ATAD2B: variants seen among roughly 807,000 people sequenced by gnomAD.
The protein encoded by ATAD2B is ATPase family AAA domain-containing protein 2B.
Under a neutral mutation model 167.6 loss-of-function variants are expected in ATAD2B, and 40 were observed. That is an observed-to-expected ratio of 0.24 (90% CI 0.19 to 0.31). The LOEUF (loss-of-function observed/expected upper bound fraction) is 0.31, where lower values mean the gene tolerates loss of function less well. ATAD2B is among the 10% of genes least tolerant of loss of function. The pLI, the probability that ATAD2B is intolerant of heterozygous loss-of-function variation, is 1.00. For missense variants in ATAD2B, 1,242 were observed against 1,757.2 expected (o/e 0.71, Z 5.24); for synonymous variants, 579 against 596.5 (o/e 0.97, Z 0.43).
At chr2:23,785,964 A>T in intron 21 of ATAD2B, 63 bp downstream of exon 21, 2 of 1,386,264 alleles carry the variant, frequency 1.4e-6, no homozygotes, top group Non-Finnish European at 1.9e-6. Context: ...CCAAAAAAAG[A>T]TGTCAATATT....
At chr2:23,696,876 C>T in the ATAD2B span, 1 of 194,330 alleles carries the variant, frequency 5.1e-6, no homozygotes, top group Non-Finnish European at 1.1e-5. This position sits in a 1 kb window ranked among gnomAD's most constrained non-coding sequence, Gnocchi z 5.5. Flanking sequence ...ACCATGAGCA[C>T]CAGCCCAGAG....
At chr2:23,803,937 A>C (rs1220649189) in intron 18 of ATAD2B, among the ~76,000 whole-genome samples, 1 of 152,250 alleles carries the variant, frequency 6.6e-6, no homozygotes, top group Non-Finnish European at 1.5e-5. Flanking sequence ...AAAACATGCA[A>C]GAATAACTTA....
At chr2:23,795,772 G>C (rs112675263) in intron 19 of ATAD2B, among the ~76,000 whole-genome samples, 36 of 151,918 alleles carry the variant, frequency 2.4e-4, no homozygotes, top group Non-Finnish European at 4.6e-4. Context: ...CCAGCTACTC[G>C]GGAGGCTGAG....
chr2:23,925,228 A>T (rs181982595), intron 1 of ATAD2B, among the ~76,000 whole-genome samples: 1 of 152,188 alleles, frequency 6.6e-6, no homozygotes, highest in African/African-American at 2.4e-5. Flanking sequence ...CCTTATTTCA[A>T]CCTAAGAGAG....
the ATAD2B span, among the ~76,000 whole-genome samples, chr2:23,678,928 G>A: frequency 6.6e-6 from 1 of 151,990 alleles, no homozygotes; most frequent in Non-Finnish European, 1.5e-5. Flanking sequence ...GGGAGTGGTT[G>A]TTTAATGGGT....
the ATAD2B span, among the ~76,000 whole-genome samples, chr2:23,737,979 C>T: frequency 1.5e-4 from 23 of 151,982 alleles, no homozygotes; most frequent in East Asian, 3.9e-4. Context: ...TGAAATGAAG[C>T]GAGAAGAGAA....
chr2:23,733,907 A>G, the ATAD2B span, among the ~76,000 whole-genome samples: 1 of 151,998 alleles, frequency 6.6e-6, no homozygotes, highest in South Asian at 2.1e-4. Context: ...ACTTTGCTTT[A>G]TTCTAAAGTA....
chr2:23,736,954 C>T, the ATAD2B span, among the ~76,000 whole-genome samples: 4 of 152,204 alleles, frequency 2.6e-5, no homozygotes, highest in Non-Finnish European at 4.4e-5. Context: ...GCTAGCACAG[C>T]GGTCCCAGAT....
intron 13 of ATAD2B, among the ~76,000 whole-genome samples, chr2:23,842,164 T>C (rs184690441): frequency 2.0e-5 from 3 of 152,330 alleles, no homozygotes; most frequent in Middle Eastern, 3.4e-3. Context: ...TGTGCTATTT[T>C]CCCCATCGGT....
intron 13 of ATAD2B, among the ~76,000 whole-genome samples, chr2:23,845,928 T>C (rs1691716502): frequency 7.9e-6 from 1 of 126,178 alleles, no homozygotes; most frequent in African/African-American, 3.1e-5. Context: ...AATTGATTTA[T>C]ATCAATAGTT....
chr2:23,772,994 G>A (rs1424629798), intron 22 of ATAD2B, among the ~76,000 whole-genome samples: 3 of 152,102 alleles, frequency 2.0e-5, no homozygotes, highest in African/African-American at 4.8e-5. Flanking sequence ...TGCCTACCTC[G>A]GTCTCCCAAA....
intron 17 of ATAD2B, among the ~76,000 whole-genome samples, chr2:23,810,887 T>C (rs1208641617): frequency 6.6e-6 from 1 of 152,050 alleles, no homozygotes; most frequent in Non-Finnish European, 1.5e-5. Context: ...GGCGGGCATC[T>C]GTAATCCCAG....
the ATAD2B span, among the ~76,000 whole-genome samples, chr2:23,740,687 G>A: frequency 6.6e-6 from 1 of 152,116 alleles, no homozygotes; most frequent in African/African-American, 2.4e-5. Context: ...ACATAGTGTT[G>A]GAAGTTCTGG....
chr2:23,911,917 G>A (rs1250993979), intron 1 of ATAD2B, among the ~76,000 whole-genome samples: 1 of 150,318 alleles, frequency 6.7e-6, no homozygotes, highest in Non-Finnish European at 1.5e-5. Context: ...TGCGGTTGCA[G>A]TGAGCCAAGA....
chr2:23,718,992 T>C, the ATAD2B span, among the ~76,000 whole-genome samples: 4 of 152,326 alleles, frequency 2.6e-5, no homozygotes, highest in East Asian at 5.8e-4. Context: ...CTTTATCACA[T>C]CTGCAAAGTC....
At chr2:23,690,197 C>G in the ATAD2B span, 1 of 152,246 alleles carries the variant, frequency 6.6e-6, no homozygotes, top group Non-Finnish European at 1.5e-5. Flanking sequence ...GGTGGAATTT[C>G]AGGTACTGCC....
chr2:23,781,520 C>T (rs1354573209), intron 22 of ATAD2B, among the ~76,000 whole-genome samples: 2 of 151,920 alleles, frequency 1.3e-5, no homozygotes, highest in Non-Finnish European at 2.9e-5. Flanking sequence ...CAAAAATTAG[C>T]TGGACGTGGT....
chr2:23,736,501 C>A, the ATAD2B span, among the ~76,000 whole-genome samples: 1 of 152,156 alleles, frequency 6.6e-6, no homozygotes, highest in Non-Finnish European at 1.5e-5. Context: ...ATCATGAATA[C>A]CCTCACAGAG....
the ATAD2B span, among the ~76,000 whole-genome samples, chr2:23,740,802 C>T: frequency 6.6e-6 from 1 of 152,126 alleles, no homozygotes; most frequent in South Asian, 2.1e-4. Context: ...TCTAGAAAAC[C>T]CCATCGTCTC....
Sources: gnomAD v4.1 joint callset for allele counts (sites outside exome capture counted in the v4.1 genomes callset) on GRCh38, gnomAD v4.1.1 for gene constraint, Gnocchi (gnomAD v3.1) non-coding constraint, MANE v1.5 for transcripts, NCBI Gene and HGNC (gene_info 2026-07-23, HGNC 2026-07-21) for gene names.